The following CCDC141 variants were observed in gnomAD, a reference collection of about 807,000 sequenced individuals.
CCDC141 encodes the protein coiled-coil domain-containing protein 141.
Under a neutral mutation model 181.0 loss-of-function variants are expected in CCDC141, and 168 were observed. That is an observed-to-expected ratio of 0.93 (90% CI 0.82 to 1.05). CCDC141 has a LOEUF of 1.05. Among genes scored for constraint, CCDC141 ranks in the 50% least tolerant of loss-of-function variants. The pLI, the probability that CCDC141 is intolerant of heterozygous loss-of-function variation, is 0.00. For missense variants in CCDC141, 1,902 were observed against 1,788.5 expected (o/e 1.06, Z -1.14); for synonymous variants, 666 against 642.3 (o/e 1.04, Z -0.56).
At chr2:178,852,543 G>A (rs1325890405) in intron 20 of CCDC141, among the ~76,000 whole-genome samples, 1 of 152,004 alleles carries the variant, frequency 6.6e-6, no homozygotes, top group Non-Finnish European at 1.5e-5. Flanking sequence ...CTTTTCTTCT[G>A]GAATATTATG....
At chr2:178,903,401 T>C (rs1687801326) in intron 8 of CCDC141, among the ~76,000 whole-genome samples, 1 of 151,966 alleles carries the variant, frequency 6.6e-6, no homozygotes, top group Non-Finnish European at 1.5e-5. Context: ...ATGTGGCACA[T>C]ATACACCATG....
intron 8 of CCDC141, among the ~76,000 whole-genome samples, chr2:178,888,976 T>A (rs1687019668): frequency 6.6e-6 from 1 of 152,226 alleles, no homozygotes; most frequent in Non-Finnish European, 1.5e-5. Flanking sequence ...AGCCACAGTA[T>A]GTTTACCACG....
intron 16 of CCDC141, among the ~76,000 whole-genome samples, chr2:178,866,544 G>GC (rs1298402999): frequency 6.6e-6 from 1 of 152,138 alleles, no homozygotes; most frequent in Non-Finnish European, 1.5e-5. Flanking sequence ...TAGATTCACT[G>GC]CATTTCATAT....
intron 6 of CCDC141, among the ~76,000 whole-genome samples, chr2:178,939,689 G>A (rs1575242100): frequency 6.6e-6 from 1 of 152,160 alleles, no homozygotes; most frequent in South Asian, 2.1e-4. Context: ...ATAGGTCATG[G>A]ATAAAAGTAA....
At position 178,915,496 on chromosome 2, in the gene CCDC141, A is replaced by G. The variant is rs368552755; in HGVS notation, c.1092+3217T>C. 8.5e-5 allele frequency among the ~76,000 whole-genome samples: 13 copies of G among 152,382 alleles called. 1 individual carries two copies. Among genetic ancestry groups the G allele is most frequent in the African/African-American group, 2.6e-4 (11 of 41,590 alleles). On this transcript the variant is annotated intron_variant, in intron 7 of 23. Coordinates refer to ENST00000443758, the MANE Select transcript of CCDC141 (RefSeq NM_173648.4). ...CATTAGTATTTGACATAGAAATTGA[A>G]AAAGTATATTGACATAGCTTCAACG...
the CCDC141 span, among the ~76,000 whole-genome samples, chr2:178,823,742 T>C: frequency 6.6e-6 from 1 of 152,350 alleles, no homozygotes; most frequent in East Asian, 1.9e-4. Flanking sequence ...GGTTGCTATA[T>C]GTGTACACCT....
chr2:178,861,319 A>G (rs1685606719), intron 17 of CCDC141, among the ~76,000 whole-genome samples: 1 of 151,956 alleles, frequency 6.6e-6, no homozygotes, highest in East Asian at 1.9e-4. Flanking sequence ...GGCACACATC[A>G]CCATGCTCGG....
At chr2:178,987,221 G>T (rs1691795243) in intron 2 of CCDC141, among the ~76,000 whole-genome samples, 1 of 149,692 alleles carries the variant, frequency 6.7e-6, no homozygotes, top group Non-Finnish European at 1.5e-5. Context: ...ATGGGGAAAG[G>T]ATTCCCTATT....
chr2:178,970,351 C>T (rs1024393593), intron 4 of CCDC141, among the ~76,000 whole-genome samples: 1 of 152,170 alleles, frequency 6.6e-6, no homozygotes, highest in Non-Finnish European at 1.5e-5. Context: ...GGAGGCATCC[C>T]ACTACCTGAC....
At chr2:178,820,155 T>G in the CCDC141 span, among the ~76,000 whole-genome samples, 1 of 152,218 alleles carries the variant, frequency 6.6e-6, no homozygotes, top group African/African-American at 2.4e-5. Flanking sequence ...TTTGAAAATG[T>G]AGCTGCTGCT....
At chr2:178,985,995 C>G (rs1179319637) in intron 2 of CCDC141, among the ~76,000 whole-genome samples, 1 of 152,184 alleles carries the variant, frequency 6.6e-6, no homozygotes, top group East Asian at 1.9e-4. Flanking sequence ...GATACCAAAG[C>G]CGGGCAGAGA....
rs184133453 is a variant in CCDC141 at position 179,035,177 on chromosome 2, C to T, written c.225+12107G>A. On this transcript the variant is annotated intron_variant, in intron 2 of 23. Coordinates refer to ENST00000443758, the MANE Select transcript of CCDC141 (RefSeq NM_173648.4). ...TCAGAATGCAGGTCAAACAGTCTAA[C>T]ATTATGATAGTCATATCTTTGAATC... is the stretch of plus-strand genomic sequence containing the variant. 3.9e-5 allele frequency among the ~76,000 whole-genome samples: 6 copies of T among 152,182 alleles called. No individual in the cohort carries two copies. The East Asian group carries it at 1.2e-3, about 29-fold the overall frequency.
At chr2:178,843,571 G>C (rs1277206244) in intron 22 of CCDC141, among the ~76,000 whole-genome samples, 1 of 152,056 alleles carries the variant, frequency 6.6e-6, no homozygotes, top group Admixed American at 6.6e-5. Context: ...TTTTGGGTCT[G>C]AAAAATGAGA....
chr2:178,932,643 A>G lies in CCDC141; in HGVS notation c.897+11892T>C, dbSNP rs191308255. Among the ~76,000 whole-genome samples, 279 of 152,312 alleles carry G rather than the reference A, an allele frequency of 1.8e-3. 1 individual carries two copies. The highest frequency in any genetic ancestry group is 6.4e-3 in the African/African-American group (266 of 41,572). On this transcript the variant is annotated intron_variant, in intron 6 of 23. Coordinates refer to ENST00000443758, the MANE Select transcript of CCDC141 (RefSeq NM_173648.4). ...AGTGTATATGTGCACACAATACACAATTTTGGAACACTCATATGTAATTGT... is the reference window on the plus strand; with the variant it reads ...AGTGTATATGTGCACACAATACACAGTTTTGGAACACTCATATGTAATTGT...
intron 4 of CCDC141, among the ~76,000 whole-genome samples, chr2:178,964,350 T>TA (rs1690533236): frequency 6.6e-6 from 1 of 152,214 alleles, no homozygotes; most frequent in Non-Finnish European, 1.5e-5. Flanking sequence ...AACTAACTCT[T>TA]ACACATTAGA....
At position 178,980,496 on chromosome 2, in the gene CCDC141, G is replaced by C. The variant is rs560237340; in HGVS notation, c.226-1821C>G. Among the ~76,000 whole-genome samples, 11 of 152,240 alleles carry C rather than the reference G, an allele frequency of 7.2e-5. No individual in the cohort carries two copies. In the South Asian group the frequency reaches 2.1e-3, roughly 29 times the overall value. ...AGCAAAAACTGTCCTAATTTTGTTA[G>C]AACTCTGGAAAGTAGTCAAAGATTT... On this transcript the variant is annotated intron_variant, in intron 2 of 23. Transcript: ENST00000443758.
At chr2:178,967,530 A>C (rs36186285) in intron 4 of CCDC141, among the ~76,000 whole-genome samples, 2 of 152,216 alleles carry the variant, frequency 1.3e-5, no homozygotes, top group East Asian at 3.9e-4. Context: ...CTTTATAGAC[A>C]AGGAAATGCT....
rs776462842 is a variant in CCDC141 at position 178,905,463 on chromosome 2, C to A, written c.1131G>T (p.Lys377Asn). The A allele has an allele frequency of 1.4e-4, 214 of 1,550,612 alleles. No homozygotes were observed. In the Middle Eastern group the frequency reaches 1.7e-3, roughly 12 times the overall value. The change falls in exon 8 of 24, where the codon AAG becomes AAT. Residue 377 changes from lysine (K) to asparagine (N), a missense_variant. Physicochemically the swap from Lys to Asn is moderately conservative, Grantham distance 94. Transcript: ENST00000443758. ...GACTTAAACCCTCTGATTTAAGGAG[C>A]TTAAGGTAAGCTTCAACTCTTCCAA... ...DVLGRVEAYL[K>N]LLKSEGLSLA...
intron 2 of CCDC141, among the ~76,000 whole-genome samples, chr2:178,998,981 C>T (rs780045861): frequency 6.6e-6 from 1 of 152,082 alleles, no homozygotes. Flanking sequence ...CACAGCAAGT[C>T]GTGAACATTG....
Sources: allele counts gnomAD v4.1 joint callset (sites outside exome capture counted in the v4.1 genomes callset), GRCh38; gene constraint gnomAD v4.1.1; transcripts MANE v1.5; gene names NCBI Gene and HGNC (gene_info 2026-07-23, HGNC 2026-07-21).